CTIF: variants seen among roughly 807,000 people sequenced by gnomAD.
CTIF encodes the protein CBP80/20-dependent translation initiation factor.
Under a neutral mutation model 66.0 loss-of-function variants are expected in CTIF, and 21 were observed. The observed-to-expected ratio is 0.32, with a 90% CI of 0.23 to 0.46. The LOEUF is 0.46. Among genes scored for constraint, CTIF ranks in the 20% least tolerant of loss-of-function variants. The probability of loss-of-function intolerance (pLI) is 1.00; values close to 1 mark genes in which losing one functional copy is unlikely to be tolerated. For missense variants in CTIF, 739 were observed against 812.7 expected (o/e 0.91, Z 1.10); for synonymous variants, 345 against 326.4 (o/e 1.06, Z -0.62).
chr18:48,839,294 C>T (rs542976665), intron 10 of CTIF, among the ~76,000 whole-genome samples: 5 of 152,228 alleles, frequency 3.3e-5, no homozygotes, highest in Admixed American at 1.3e-4. Context: ...TTCCTCTCCT[C>T]ACCCCACTCT....
intron 9 of CTIF, among the ~76,000 whole-genome samples, chr18:48,772,034 AAG>A (rs1351630352): frequency 6.6e-6 from 1 of 152,160 alleles, no homozygotes; most frequent in Non-Finnish European, 1.5e-5. Context: ...AGCCACTACC[AAG>A]AGAGAGCAGT....
At chr18:48,576,377 C>G (rs569348142) in intron 1 of CTIF, among the ~76,000 whole-genome samples, 2 of 152,228 alleles carry the variant, frequency 1.3e-5, no homozygotes, top group Non-Finnish European at 2.9e-5. Context: ...GGAAGGGAGG[C>G]GGGGTACTGG....
chr18:48,543,347 G>T (rs966303802), intron 1 of CTIF, among the ~76,000 whole-genome samples: 5 of 152,186 alleles, frequency 3.3e-5, no homozygotes, highest in Non-Finnish European at 7.4e-5. Flanking sequence ...AGCCCCATTT[G>T]ATGTCCTTGG....
At chr18:48,807,580 G>GTTTT (rs36110913) in intron 9 of CTIF, among the ~76,000 whole-genome samples, 14 of 102,832 alleles carry the variant, frequency 1.4e-4, no homozygotes, top group South Asian at 2.9e-4. Context: ...TTGTTGTTGT[G>GTTTT]TTTTTTTTTT....
chr18:48,575,518 C>T (rs2089511070), intron 1 of CTIF, among the ~76,000 whole-genome samples: 1 of 152,230 alleles, frequency 6.6e-6, no homozygotes. Flanking sequence ...TGGATTACAG[C>T]AGCGCACTGT....
chr18:48,663,704 T>TCCTCAGCAGC (rs2091385672), intron 3 of CTIF, 48 bp from the exon 4 acceptor site: 1 of 1,573,100 alleles, frequency 6.4e-7, no homozygotes, highest in South Asian at 1.1e-5. Flanking sequence ...GTTCTCAGCA[T>TCCTCAGCAGC]CCTGGCCGAG....
intron 9 of CTIF, among the ~76,000 whole-genome samples, chr18:48,806,406 C>T (rs2068148211): frequency 6.6e-6 from 1 of 152,156 alleles, no homozygotes; most frequent in Non-Finnish European, 1.5e-5. Context: ...TGCACTTTCT[C>T]CTCCCCACTG....
chr18:48,597,071 A>G (rs1049557135), intron 1 of CTIF, among the ~76,000 whole-genome samples: 2 of 152,188 alleles, frequency 1.3e-5, no homozygotes, highest in East Asian at 1.9e-4. Context: ...TGGGTGGAAT[A>G]AGGGGCAAAT....
intron 10 of CTIF, among the ~76,000 whole-genome samples, chr18:48,851,824 A>G (rs1473986739): frequency 1.3e-5 from 2 of 152,102 alleles, no homozygotes; most frequent in Non-Finnish European, 2.9e-5. Context: ...CATTCCCACC[A>G]GATACTTACC....
intron 9 of CTIF, among the ~76,000 whole-genome samples, chr18:48,762,649 G>A (rs1411896154): frequency 6.6e-6 from 1 of 152,218 alleles, no homozygotes; most frequent in Admixed American, 6.5e-5. Flanking sequence ...AAGTAGAATG[G>A]CAGGCTATAG....
intron 3 of CTIF, among the ~76,000 whole-genome samples, chr18:48,653,720 A>G (rs967960478): frequency 1.3e-5 from 2 of 152,256 alleles, no homozygotes; most frequent in African/African-American, 4.8e-5. Flanking sequence ...ACCTGACTTC[A>G]AACTATGCTG....
intron 8 of CTIF, among the ~76,000 whole-genome samples, chr18:48,758,854 A>G (rs1176033446): frequency 6.6e-6 from 1 of 152,230 alleles, no homozygotes; most frequent in East Asian, 1.9e-4. Context: ...GGTCTCTGCC[A>G]GAATGGGGAG....
At chr18:48,699,087 C>T (rs544648346) in intron 6 of CTIF, among the ~76,000 whole-genome samples, 29 of 152,296 alleles carry the variant, frequency 1.9e-4, no homozygotes, top group Non-Finnish European at 3.1e-4. Context: ...GTCCTCTCTT[C>T]CCCACTCTTC....
intron 6 of CTIF, among the ~76,000 whole-genome samples, chr18:48,695,458 C>G (rs1367426580): frequency 1.3e-5 from 2 of 152,178 alleles, no homozygotes; most frequent in African/African-American, 4.8e-5. Flanking sequence ...GACTGATGCT[C>G]TTATGAGCAT....
At chr18:48,699,203 C>T (rs866225091) in intron 6 of CTIF, among the ~76,000 whole-genome samples, 3 of 152,292 alleles carry the variant, frequency 2.0e-5, no homozygotes, top group Middle Eastern at 3.4e-3. Flanking sequence ...TCTTGGCTGC[C>T]GAGGCCTGAA....
intron 9 of CTIF, among the ~76,000 whole-genome samples, chr18:48,813,498 GGTCTTTT>G (rs771118256): frequency 6.6e-6 from 1 of 152,190 alleles, no homozygotes; most frequent in African/African-American, 2.4e-5. Context: ...ACCCCTGTCT[GGTCTTTT>G]GTGTTTGCTG....
chr18:48,681,677 T>C (rs1304586921), intron 6 of CTIF, among the ~76,000 whole-genome samples: 1 of 152,202 alleles, frequency 6.6e-6, no homozygotes, highest in Non-Finnish European at 1.5e-5. Context: ...TGCTCTCAGC[T>C]TGGTGACTGA....
chr18:48,551,230 C>T lies in CTIF; in HGVS notation c.-29+11918C>T, dbSNP rs190297798. On this transcript the variant is annotated intron_variant, in intron 1 of 11. Transcript: ENST00000256413. ...GAAGGCAGCCATCTGCAAGTCAAGA[C>T]GGAGGCCTTGGAAGAAGCCAGCCCT... Among the ~76,000 whole-genome samples, 12 of 151,744 alleles carry T rather than the reference C, an allele frequency of 7.9e-5. No individual in the cohort carries two copies. The East Asian group carries it at 1.9e-3, about 24-fold the overall frequency.
At chr18:48,701,692 G>T (rs973326409) in intron 6 of CTIF, among the ~76,000 whole-genome samples, 1 of 152,154 alleles carries the variant, frequency 6.6e-6, no homozygotes, top group Non-Finnish European at 1.5e-5. Context: ...CTTCCCTGTT[G>T]GTCCCTAGTC....
Sources: allele counts gnomAD v4.1 joint callset (sites outside exome capture counted in the v4.1 genomes callset), GRCh38; gene constraint gnomAD v4.1.1; transcripts MANE v1.5; gene names NCBI Gene and HGNC (gene_info 2026-07-23, HGNC 2026-07-21).